Variants in SRBD1 observed in about 807,000 individuals in gnomAD.
SRBD1 encodes the protein S1 RNA binding domain 1, also known as S1 RNA-binding domain-containing protein 1.
SRBD1 carries 88 observed loss-of-function variants against 115.3 expected under a neutral mutation model. The ratio of observed to expected loss-of-function variants is 0.76; its 90% CI spans 0.64 to 0.91. SRBD1 has a LOEUF of 0.91. SRBD1 is among the 40% of genes least tolerant of loss of function. The pLI is 0.00. For missense variants in SRBD1, 1,385 were observed against 1,177.4 expected (o/e 1.18, Z -2.58); for synonymous variants, 509 against 407.7 (o/e 1.25, Z -2.99).
At chr2:45,450,690 T>A (rs185783077) in intron 16 of SRBD1, among the ~76,000 whole-genome samples, 34 of 152,108 alleles carry the variant, frequency 2.2e-4, no homozygotes, top group African/African-American at 7.7e-4. Flanking sequence ...AAGTTAGTTT[T>A]AGAACATATA....
At chr2:45,610,841 T>A (rs1240560961) in intron 1 of SRBD1, among the ~76,000 whole-genome samples, 1 of 151,330 alleles carries the variant, frequency 6.6e-6, no homozygotes, top group South Asian at 2.1e-4. Flanking sequence ...GGCAGGCGAA[T>A]GGCGTGAATC....
At chr2:45,590,142 T>G (rs774628730) in intron 4 of SRBD1, among the ~76,000 whole-genome samples, 14 of 152,212 alleles carry the variant, frequency 9.2e-5, no homozygotes, top group Non-Finnish European at 1.3e-4. Flanking sequence ...AATGCTGAAA[T>G]ATATAAAACT....
At chr2:45,499,347 T>A (rs1212825409) in intron 14 of SRBD1, among the ~76,000 whole-genome samples, 1 of 152,210 alleles carries the variant, frequency 6.6e-6, no homozygotes, top group East Asian at 1.9e-4. Context: ...TCACAGTATT[T>A]GTGGGTTTTC....
chr2:45,407,385 C>T (rs1025370742), intron 19 of SRBD1, among the ~76,000 whole-genome samples: 1 of 152,106 alleles, frequency 6.6e-6, no homozygotes, highest in African/African-American at 2.4e-5. Flanking sequence ...TAAAACTTTA[C>T]AAGATTCCCC....
At chr2:45,494,455 T>C (rs1670393743) in intron 14 of SRBD1, among the ~76,000 whole-genome samples, 1 of 152,134 alleles carries the variant, frequency 6.6e-6, no homozygotes, top group Admixed American at 6.5e-5. Flanking sequence ...CATTTGTTTG[T>C]AGAAGATCTC....
rs192406279 is a variant in SRBD1, at chr2:45,494,229, T to C, written c.1875-5898A>G. 3.3e-4 allele frequency among the ~76,000 whole-genome samples: 50 copies of C among 152,362 alleles called. 1 individual carries two copies. Among genetic ancestry groups the C allele is most frequent in the Non-Finnish European group, 5.9e-4 (40 of 68,030 alleles). ...GCAGGCTTATGTAATATAATGTTAA[T>C]AGTATTTAAACATGTATTATTACTT... On this transcript the variant is annotated intron_variant, in intron 14 of 20. Transcript: ENST00000263736.
chr2:45,565,284 A>T (rs1672791505), intron 9 of SRBD1, among the ~76,000 whole-genome samples: 1 of 152,214 alleles, frequency 6.6e-6, no homozygotes, highest in African/African-American at 2.4e-5. Flanking sequence ...ATAAGGATAG[A>T]CATACAATGG....
At chr2:45,453,805 G>C (rs548446672) in intron 16 of SRBD1, among the ~76,000 whole-genome samples, 1 of 151,882 alleles carries the variant, frequency 6.6e-6, no homozygotes, top group South Asian at 2.1e-4. Flanking sequence ...AAAAAGTTCT[G>C]GGTTAACATA....
chr2:45,557,589 G>C (rs1262101141), intron 10 of SRBD1, among the ~76,000 whole-genome samples: 1 of 152,028 alleles, frequency 6.6e-6, no homozygotes, highest in African/African-American at 2.4e-5. Context: ...ACCCAGCCCT[G>C]AAAGAGAACA....
chr2:45,460,286 T>C (rs1448308224), intron 16 of SRBD1, among the ~76,000 whole-genome samples: 3 of 152,146 alleles, frequency 2.0e-5, no homozygotes, highest in African/African-American at 4.8e-5. Context: ...CTAAAAAAAG[T>C]TGCTTAAATT....
intron 14 of SRBD1, among the ~76,000 whole-genome samples, chr2:45,532,846 T>G (rs1305376818): frequency 6.8e-6 from 1 of 148,016 alleles, no homozygotes; most frequent in Non-Finnish European, 1.5e-5. Context: ...ATAAGGTGAA[T>G]TCAAGAACTA....
At chr2:45,416,276 A>AT (rs1667829551) in intron 18 of SRBD1, among the ~76,000 whole-genome samples, 1 of 131,540 alleles carries the variant, frequency 7.6e-6, no homozygotes, top group South Asian at 2.2e-4. Flanking sequence ...AATTAAAAAA[A>AT]ACAGGCATAT....
chr2:45,442,243 C>A (rs1020505481), intron 16 of SRBD1, among the ~76,000 whole-genome samples: 1 of 152,200 alleles, frequency 6.6e-6, no homozygotes, highest in African/African-American at 2.4e-5. Context: ...TATCTTATAA[C>A]TGACATGGTC....
At chr2:45,474,374 G>T (rs147294326) in intron 16 of SRBD1, among the ~76,000 whole-genome samples, 1 of 152,162 alleles carries the variant, frequency 6.6e-6, no homozygotes, top group East Asian at 1.9e-4. Flanking sequence ...CCCCACCTCC[G>T]GTGATAATGT....
chr2:45,509,128 T>C (rs762699592), intron 14 of SRBD1, among the ~76,000 whole-genome samples: 16 of 152,058 alleles, frequency 1.1e-4, no homozygotes, highest in East Asian at 1.9e-4. Flanking sequence ...ACATAACTAA[T>C]TGATATCAAG....
intron 14 of SRBD1, among the ~76,000 whole-genome samples, chr2:45,492,067 T>C (rs1270095500): frequency 6.6e-6 from 1 of 152,166 alleles, no homozygotes; most frequent in African/African-American, 2.4e-5. Context: ...GTGATCCACC[T>C]GCCTCAGCCT....
rs150721184 is a variant in SRBD1 at position 45,480,221 on chromosome 2, G to C, written c.1967-3146C>G. On this transcript the variant is annotated intron_variant, in intron 15 of 20. Transcript: ENST00000263736. ...TCCATTCTGCATACCATGTATCAAG[G>C]AGTAATTTTGACTTTCAAGTCTTAT... 4.2e-3 allele frequency among the ~76,000 whole-genome samples: 639 copies of C among 152,230 alleles called. 13 individuals are homozygous for C. Among genetic ancestry groups the C allele is most frequent in the Admixed American group, 0.03 (460 of 15,276 alleles).
intron 14 of SRBD1, among the ~76,000 whole-genome samples, chr2:45,529,560 G>T (rs572459317): frequency 4.6e-5 from 7 of 151,422 alleles, no homozygotes; most frequent in African/African-American, 1.5e-4. Context: ...TATTAAAATA[G>T]AAAAAAAATC....
At chr2:45,479,127 G>C (rs1669887354) in intron 15 of SRBD1, among the ~76,000 whole-genome samples, 1 of 152,140 alleles carries the variant, frequency 6.6e-6, no homozygotes. Context: ...TGATGTCTGT[G>C]TCCTGACTGC....
Sources: gnomAD v4.1 joint callset for allele counts (sites outside exome capture counted in the v4.1 genomes callset) on GRCh38, gnomAD v4.1.1 for gene constraint, MANE v1.5 for transcripts, NCBI Gene and HGNC (gene_info 2026-07-23, HGNC 2026-07-21) for gene names.